Variants in DEPDC4 observed in about 807,000 individuals in gnomAD.
DEPDC4 encodes DEP domain-containing protein 4.
A neutral mutation model predicts 52.0 loss-of-function variants in DEPDC4; 52 were observed. The ratio of observed to expected loss-of-function variants is 1.00; its 90% CI spans 0.80 to 1.26. The LOEUF is 1.26. Among genes scored for constraint, DEPDC4 ranks in the 50% most tolerant of loss-of-function variants. DEPDC4 has a pLI of 0.00. For synonymous variants in DEPDC4, 201 were observed against 196.8 expected (o/e 1.02, Z -0.18); for missense variants, 530 against 546.9 (o/e 0.97, Z 0.31).
rs571875380 is a variant in DEPDC4, at chr12:100,241,856, A to C, written c.*47-11T>G. The C allele has an allele frequency of 6.5e-3, 7,759 of 1,198,514 alleles. 60 individuals carry two copies. Among genetic ancestry groups the C allele is most frequent in the Non-Finnish European group, 6.8e-3 (6,487 of 949,828 alleles). 74.2% of individuals were successfully genotyped at this position (1,198,514 alleles called of 1,614,324 possible). A position where few individuals can be genotyped will look rare whatever the true frequency, so the allele number is the denominator to read the frequency against. Reference sequence around the variant, plus strand: ...GGCAAAACGTAAAGCCTGGAAAAAAAAAAAAAAAACAAAAGAAAAAGAAAA... The same window carrying C: ...GGCAAAACGTAAAGCCTGGAAAAAACAAAAAAAAACAAAAGAAAAAGAAAA... On this transcript the variant is annotated splice_polypyrimidine_tract_variant and intron_variant, in intron 9 of 9. Transcript: ENST00000550587.
At chr12:100,259,627 G>A (rs982133507) in intron 3 of DEPDC4, among the ~76,000 whole-genome samples, 1 of 152,144 alleles carries the variant, frequency 6.6e-6, no homozygotes, top group Admixed American at 6.5e-5. Context: ...ATTAAAAGAT[G>A]GGGGCATAGG....
upstream of DEPDC4, chr12:100,267,187 C>A (rs1015030866): frequency 4.1e-6 from 5 of 1,212,978 alleles, no homozygotes; most frequent in Admixed American, 2.2e-5. Flanking sequence ...AGTCTTTTTC[C>A]CCCTCCCTTA....
chr12:100,271,430 A>G (rs1435001585), upstream of DEPDC4, among the ~76,000 whole-genome samples: 1 of 152,150 alleles, frequency 6.6e-6, no homozygotes, highest in East Asian at 1.9e-4. Flanking sequence ...TCTTGAATGT[A>G]ATTCTTAATT....
chr12:100,261,744 G>A (rs1453546225), intron 3 of DEPDC4: 5 of 456,700 alleles, frequency 1.1e-5, no homozygotes, highest in South Asian at 6.2e-5. Flanking sequence ...CTTATCTGAT[G>A]TAATTGCTGT....
At chr12:100,254,319 C>CTTTTTTTTT (rs67921438) in intron 4 of DEPDC4, among the ~76,000 whole-genome samples, 1 of 89,436 alleles carries the variant, frequency 1.1e-5, no homozygotes, top group African/African-American at 5.2e-5. Context: ...TTTTTTTTGA[C>CTTTTTTTTT]TTTTTTTTTT....
At chr12:100,237,850 G>C (rs1182292833), downstream of DEPDC4, 1 of 153,412 alleles carries the variant, frequency 6.5e-6, no homozygotes, top group Non-Finnish European at 1.4e-5. Flanking sequence ...GAGGCTCAGT[G>C]CAAAGATATT....
At chr12:100,270,013 G>C (rs534315328), upstream of DEPDC4, among the ~76,000 whole-genome samples, 4 of 150,354 alleles carry the variant, frequency 2.7e-5, no homozygotes, top group African/African-American at 9.8e-5. Context: ...GTGAGACGGA[G>C]TGTCACTCTG....
chr12:100,253,965 A>C (rs192961664), intron 4 of DEPDC4, among the ~76,000 whole-genome samples: 48 of 152,328 alleles, frequency 3.2e-4, no homozygotes, highest in African/African-American at 9.4e-4. Context: ...AAGTTAAAAT[A>C]ATTTTTAATG....
At chr12:100,263,370 T>C (rs2096260624) in intron 2 of DEPDC4, 127 bp downstream of exon 2, 2 of 749,714 alleles carry the variant, frequency 2.7e-6, no homozygotes, top group Admixed American at 6.8e-5. Context: ...ATAAGTGGAT[T>C]AATTTTCACA....
Position 100,267,036 on chromosome 12 carries a change from A to G in DEPDC4, c.41T>C (p.Val14Ala), listed in dbSNP as rs767437828. The G allele has an allele frequency of 2.7e-5, 44 of 1,612,944 alleles. No homozygotes were observed. Among genetic ancestry groups the G allele is most frequent in the Non-Finnish European group, 3.7e-5 (44 of 1,179,512 alleles). Residue 14 changes from valine to alanine, a missense_variant, in exon 1 of 10, where the codon GTT becomes GCT. Transcript: ENST00000550587. Reference protein sequence around the residue: ...GEEPARELMAVLLTPRFRRLV... With the variant: ...GEEPARELMAALLTPRFRRLV... ...TCTACGGAACCTCGGAGTCAAAAGAACCGCCATAAGCTCGCGCGCTGGCTC... is the reference window on the plus strand; with the variant it reads ...TCTACGGAACCTCGGAGTCAAAAGAGCCGCCATAAGCTCGCGCGCTGGCTC...
upstream of DEPDC4, among the ~76,000 whole-genome samples, chr12:100,270,694 C>T (rs142130955): frequency 0.014 from 2,024 of 149,354 alleles, 52 homozygotes; most frequent in African/African-American, 0.045. Context: ...AGGCTGGTCT[C>T]GAACTCCTGA....
chr12:100,280,590 T>C, the DEPDC4 span, among the ~76,000 whole-genome samples: 1 of 152,316 alleles, frequency 6.6e-6, no homozygotes, highest in East Asian at 1.9e-4. Context: ...CTATTTTAAT[T>C]TACCAAAGGA....
chr12:100,274,573 T>C, the DEPDC4 span, among the ~76,000 whole-genome samples: 1 of 152,202 alleles, frequency 6.6e-6, no homozygotes, highest in African/African-American at 2.4e-5. Flanking sequence ...TGTGCTTTAC[T>C]CTTAAGTGGC....
chr12:100,269,487 A>G (rs906004206), upstream of DEPDC4, among the ~76,000 whole-genome samples: 1 of 150,370 alleles, frequency 6.7e-6, no homozygotes, highest in Non-Finnish European at 1.5e-5. Context: ...TCATCTCCTG[A>G]TGTGTAAGTG....
upstream of DEPDC4, among the ~76,000 whole-genome samples, chr12:100,269,869 T>C (rs1399808966): frequency 6.6e-6 from 1 of 152,232 alleles, no homozygotes; most frequent in Non-Finnish European, 1.5e-5. Flanking sequence ...TAGGCATCTA[T>C]GTGGTTTAAG....
intron 2 of DEPDC4, among the ~76,000 whole-genome samples, chr12:100,262,740 T>C (rs1457224832): frequency 6.6e-6 from 1 of 152,188 alleles, no homozygotes; most frequent in African/African-American, 2.4e-5. Flanking sequence ...AGAAAGCATA[T>C]CCATTCCTTA....
chr12:100,265,728 A>C (rs2096269863), intron 1 of DEPDC4, among the ~76,000 whole-genome samples: 1 of 152,260 alleles, frequency 6.6e-6, no homozygotes, highest in African/African-American at 2.4e-5. Context: ...AGAAAAACCC[A>C]AAACAAAAAT....
chr12:100,249,568 A>G (rs780329165), intron 7 of DEPDC4, among the ~76,000 whole-genome samples: 1 of 152,212 alleles, frequency 6.6e-6, no homozygotes, highest in Non-Finnish European at 1.5e-5. Flanking sequence ...CCAGACTACT[A>G]TATGTATCTG....
rs906665269 is a variant in DEPDC4 at position 100,267,045 on chromosome 12, A to T, written c.32T>A (p.Leu11His). 1.2e-6 allele frequency: 2 copies of T among 1,613,770 alleles called. No homozygotes were observed. Among genetic ancestry groups the T allele is most frequent in the African/African-American group, 2.7e-5 (2 of 74,918 alleles). The change falls in exon 1 of 10, where the codon CTT becomes CAT. Residue 11 changes from leucine (L) to histidine (H), a missense_variant. Coordinates refer to ENST00000550587, the MANE Select transcript of DEPDC4 (RefSeq NM_001364818.2). ...CCTCGGAGTCAAAAGAACCGCCATA[A>T]GCTCGCGCGCTGGCTCCTCCCCTGG... is the stretch of plus-strand genomic sequence containing the variant. Reference protein sequence around the residue: MVPGEEPARELMAVLLTPRFR... With the variant: MVPGEEPAREHMAVLLTPRFR...
Sources: gnomAD v4.1 joint callset for allele counts (sites outside exome capture counted in the v4.1 genomes callset) on GRCh38, gnomAD v4.1.1 for gene constraint, MANE v1.5 for transcripts, NCBI Gene and HGNC (gene_info 2026-07-23, HGNC 2026-07-21) for gene names.